Variants in ACSM2B observed in about 807,000 individuals in gnomAD.
ACSM2B encodes the protein acyl-CoA synthetase medium chain family member 2B, also known as acyl-coenzyme A synthetase ACSM2B, mitochondrial.
ACSM2B carries 58 observed loss-of-function variants against 78.6 expected under a neutral mutation model. The ratio of observed to expected loss-of-function variants is 0.74; its 90% confidence interval spans 0.60 to 0.92. The LOEUF (loss-of-function observed/expected upper bound fraction) is 0.92. Among genes scored for constraint, ACSM2B ranks in the 40% least tolerant of loss-of-function variants. The probability of loss-of-function intolerance (pLI) is 0.00; values close to 1 mark genes in which losing one functional copy is unlikely to be tolerated. For synonymous variants in ACSM2B, 257 were observed against 256.8 expected (o/e 1.00, Z -0.01); for missense variants, 688 against 711.2 (o/e 0.97, Z 0.37).
At chr16:20,567,039 A>G (rs2015918394) in intron 1 of ACSM2B, among the ~76,000 whole-genome samples, 1 of 134,540 alleles carries the variant, frequency 7.4e-6, no homozygotes, top group Admixed American at 9.1e-5. Context: ...AAATTCACTC[A>G]GAGTCAGAAC....
intron 9 of ACSM2B, 96 bp downstream of exon 9, chr16:20,546,298 T>G (rs7499557): frequency 0.043 from 64,760 of 1,492,742 alleles, 4,138 homozygotes; most frequent in African/African-American, 0.25. Context: ...TATCAGTACT[T>G]TCTATTATTT....
In ACSM2B at chr16:20,540,557, A is replaced by T. The variant is rs905342046; in HGVS notation, c.1629+97T>A. Reference sequence around the variant, plus strand: ...CATGTCCGGCCCAGGAAGACTTTTTAAAATTAGAAGGCTGTCCTCCTCCTG... The same window carrying T: ...CATGTCCGGCCCAGGAAGACTTTTTTAAATTAGAAGGCTGTCCTCCTCCTG... On this transcript the variant is annotated intron_variant, in intron 13 of 13. Coordinates refer to ENST00000329697, the MANE Select transcript of ACSM2B (RefSeq NM_001105069.2). 7.4e-5 allele frequency: 114 copies of T among 1,548,408 alleles called. 1 individual carries two copies. The highest frequency in any genetic ancestry group is 8.7e-5 in the Non-Finnish European group (100 of 1,144,240).
At chr16:20,549,114 G>C (rs2015229576) in intron 6 of ACSM2B, among the ~76,000 whole-genome samples, 1 of 152,094 alleles carries the variant, frequency 6.6e-6, no homozygotes, top group Admixed American at 6.6e-5. Flanking sequence ...ACAAGGTTAA[G>C]TAGCTGCTCC....
At chr16:20,544,539 TATTA>T (rs1305945859) in intron 10 of ACSM2B, 1 of 965,474 alleles carries the variant, frequency 1.0e-6, no homozygotes, top group African/African-American at 1.8e-5. Context: ...TTATTTGATT[TATTA>T]TTTATTTAGT....
chr16:20,559,794 G>A (rs758703728), intron 2 of ACSM2B, among the ~76,000 whole-genome samples: 1 of 150,534 alleles, frequency 6.6e-6, no homozygotes, highest in Non-Finnish European at 1.5e-5. Flanking sequence ...TTTATTTATT[G>A]CATCTATTTA....
intron 1 of ACSM2B, among the ~76,000 whole-genome samples, chr16:20,570,387 A>T (rs1471354166): frequency 6.6e-6 from 1 of 151,994 alleles, no homozygotes; most frequent in Non-Finnish European, 1.5e-5. Flanking sequence ...ATGTTAAACC[A>T]TTCCTGCATC....
At chr16:20,551,187 G>T (rs182824441) in intron 6 of ACSM2B, among the ~76,000 whole-genome samples, 4 of 152,250 alleles carry the variant, frequency 2.6e-5, no homozygotes, top group Non-Finnish European at 5.9e-5. Context: ...CTTATGGGGG[G>T]CAGATACTGT....
At chr16:20,564,013 G>T (rs2015743795) in intron 2 of ACSM2B, among the ~76,000 whole-genome samples, 1 of 150,164 alleles carries the variant, frequency 6.7e-6, no homozygotes, top group African/African-American at 2.4e-5. Context: ...TTTGATAACT[G>T]TCACCTCGTA....
intron 1 of ACSM2B, among the ~76,000 whole-genome samples, chr16:20,566,506 T>C (rs186084780): frequency 3.8e-4 from 44 of 115,460 alleles, no homozygotes; most frequent in African/African-American, 1.4e-3. Context: ...ATACTATATC[T>C]ATATATTATA....
At chr16:20,548,034 A>G in intron 8 of ACSM2B, 28 bp downstream of exon 8, 2 of 1,611,728 alleles carry the variant, frequency 1.2e-6, no homozygotes, top group Non-Finnish European at 1.7e-6. Context: ...AAGTGCACAC[A>G]GCCCATGGTT....
chr16:20,552,472 C>T (rs1330682286), intron 5 of ACSM2B, among the ~76,000 whole-genome samples, 175 bp from the exon 6 acceptor site: 1 of 152,074 alleles, frequency 6.6e-6, no homozygotes, highest in East Asian at 1.9e-4. Context: ...AAAAGTTGTT[C>T]TGTCCACACA....
chr16:20,552,615 A>G (rs373843171), intron 5 of ACSM2B, among the ~76,000 whole-genome samples: 13 of 152,190 alleles, frequency 8.5e-5, no homozygotes, highest in African/African-American at 2.7e-4. Flanking sequence ...GTAACCACCC[A>G]GGAAAATTTT....
chr16:20,551,181 T>C (rs1323528427), intron 6 of ACSM2B, among the ~76,000 whole-genome samples: 2 of 152,122 alleles, frequency 1.3e-5, no homozygotes, highest in African/African-American at 4.8e-5. Context: ...GATTAACTTA[T>C]GGGGGGCAGA....
intron 3 of ACSM2B, among the ~76,000 whole-genome samples, chr16:20,556,071 C>G (rs1395257266): frequency 7.4e-6 from 1 of 134,284 alleles, no homozygotes; most frequent in Non-Finnish European, 1.5e-5. Flanking sequence ...ACATATCCAT[C>G]ACCTCAAGTA....
chr16:20,570,868 T>C (rs1180212927), intron 1 of ACSM2B, among the ~76,000 whole-genome samples: 1 of 151,924 alleles, frequency 6.6e-6, no homozygotes, highest in Non-Finnish European at 1.5e-5. Context: ...ATAAAGCTGT[T>C]TGTAGTGCCT....
chr16:20,564,890 T>G, intron 1 of ACSM2B, 37 bp from the exon 2 acceptor site: 1 of 1,570,558 alleles, frequency 6.4e-7, no homozygotes, highest in Non-Finnish European at 8.6e-7. Context: ...AAGAGCTTCT[T>G]TAACAGATTG....
chr16:20,564,839 A>G lies in ACSM2B; in HGVS notation c.7T>C (p.Trp3Arg). 1.2e-6 allele frequency: 2 copies of G among 1,611,018 alleles called. No homozygotes were observed. Among genetic ancestry groups the G allele is most frequent in the Non-Finnish European group, 1.7e-6 (2 of 1,177,988 alleles). The change falls in exon 2 of 14, where the codon TGG becomes CGG. Residue 3 changes from tryptophan (W) to arginine (R), a missense_variant. Coordinates refer to ENST00000329697, the MANE Select transcript of ACSM2B (RefSeq NM_001105069.2). ...CAAAGTCCCTGAACTTTTCGCAGCCAATGCATGTTCAGGCCTGTAAAAGAA... is the reference window on the plus strand; with the variant it reads ...CAAAGTCCCTGAACTTTTCGCAGCCGATGCATGTTCAGGCCTGTAAAAGAA... MH[W>R]LRKVQGLCTL...
At chr16:20,553,507 A>T (rs1225426066) in intron 5 of ACSM2B, among the ~76,000 whole-genome samples, 1 of 152,244 alleles carries the variant, frequency 6.6e-6, no homozygotes, top group Non-Finnish European at 1.5e-5. Context: ...GGGGAAATGC[A>T]CGTAAGCCTT....
chr16:20,547,979 G>T (rs1343956586), intron 8 of ACSM2B, 83 bp downstream of exon 8: 1 of 1,592,936 alleles, frequency 6.3e-7, no homozygotes. Context: ...AATGATACAT[G>T]GTGGCTAACA....
Sources: gnomAD v4.1 joint callset for allele counts (sites outside exome capture counted in the v4.1 genomes callset) on GRCh38, gnomAD v4.1.1 for gene constraint, MANE v1.5 for transcripts, NCBI Gene and HGNC (gene_info 2026-07-23, HGNC 2026-07-21) for gene names.